Variants in DNAJC13 observed in about 807,000 individuals in gnomAD.
The protein encoded by DNAJC13 is DnaJ heat shock protein family (Hsp40) member C13, also known as dnaJ homolog subfamily C member 13.
In DNAJC13, 75 loss-of-function variants were observed where a neutral mutation model predicts 290.5. That is an observed-to-expected ratio of 0.26 (90% CI 0.21 to 0.31). DNAJC13 has a LOEUF of 0.31. DNAJC13 is among the 10% of genes least tolerant of loss of function. The probability of loss-of-function intolerance (pLI) is 1.00; values close to 1 mark genes in which losing one functional copy is unlikely to be tolerated. For synonymous variants in DNAJC13, 862 were observed against 892.0 expected, an observed-to-expected ratio of 0.97 and a Z score of 0.60; for missense variants, 2,260 against 2,674.5, an observed-to-expected ratio of 0.85 and a Z score of 3.42.
At chr3:132,468,202 G>A (rs1262219761) in intron 20 of DNAJC13, among the ~76,000 whole-genome samples, 1 of 152,178 alleles carries the variant, frequency 6.6e-6, no homozygotes. Context: ...GTTTGGCAGT[G>A]GTTGAGTATG....
chr3:132,531,953 C>T (rs1454014690), intron 55 of DNAJC13, among the ~76,000 whole-genome samples: 1 of 152,178 alleles, frequency 6.6e-6, no homozygotes, highest in Admixed American at 6.5e-5. Flanking sequence ...ATGTTTAAAA[C>T]TCAGAACATT....
chr3:132,426,656 T>G (rs1939099470), intron 1 of DNAJC13, among the ~76,000 whole-genome samples: 1 of 152,216 alleles, frequency 6.6e-6, no homozygotes, highest in African/African-American at 2.4e-5. Flanking sequence ...TTACAGATTT[T>G]TTTCATCATA....
At chr3:132,472,313 C>T (rs1220086059) in intron 20 of DNAJC13, among the ~76,000 whole-genome samples, 1 of 152,342 alleles carries the variant, frequency 6.6e-6, no homozygotes, top group African/African-American at 2.4e-5. Flanking sequence ...GAAATCTTCT[C>T]TTCCAGTTGC....
chr3:132,496,585 A>G lies in DNAJC13; in HGVS notation c.4078A>G (p.Ile1360Val). The change falls in exon 36 of 56, where the codon ATA (isoleucine) becomes GTA (valine). Residue 1360 changes from isoleucine to valine, a missense_variant. By Grantham distance (29) the Ile-to-Val change is conservative. Around this residue, in one of 3 missense-constraint regions of DNAJC13, gnomAD observed 1,494 missense variants for 1,693.7 expected, o/e 0.88. Transcript: ENST00000260818. ...ATTTTTATGTACCAAATCAGCAAAA[A>G]TAGTGGATGGGCCAGATCCAGAGAA... ...YEFLCTKSAKIVDGPDPENII... is the reference protein window; with the variant it reads ...YEFLCTKSAKVVDGPDPENII... The G allele has an allele frequency of 6.2e-7, 1 of 1,611,696 alleles. No homozygotes were observed. Among genetic ancestry groups the G allele is most frequent in the Non-Finnish European group, 8.5e-7 (1 of 1,178,636 alleles).
Position 132,526,287 on chromosome 3 carries a change from T to C in DNAJC13, c.6381+6T>C, listed in dbSNP as rs775106008. On this transcript the variant is annotated splice_donor_region_variant and intron_variant, in intron 53 of 55. Coordinates refer to ENST00000260818, the MANE Select transcript of DNAJC13 (RefSeq NM_015268.4). ...AGAGTGAATTAGTAGCACAAGTAAG[T>C]GACTTTCTAGATTTAGCACTATTTT... is the stretch of plus-strand genomic sequence containing the variant. 1 of 1,613,796 alleles carries C rather than the reference T, an allele frequency of 6.2e-7. No individual in the cohort carries two copies. The highest frequency in any genetic ancestry group is 8.5e-7 in the Non-Finnish European group (1 of 1,179,786).
In DNAJC13 at chr3:132,472,991, T is replaced by G. The variant is rs186456080; in HGVS notation, c.2209-154T>G. 6.8e-4 allele frequency among the ~76,000 whole-genome samples: 104 copies of G among 152,358 alleles called. 1 individual carries two copies. The highest frequency in any genetic ancestry group is 5.7e-3 in the Admixed American group (87 of 15,310). On this transcript the variant is annotated intron_variant, in intron 20 of 55. Coordinates refer to ENST00000260818, the MANE Select transcript of DNAJC13 (RefSeq NM_015268.4). ...ATAATTTAATATCCTGTATTTATAT[T>G]CATGTTTTATAGATTTTATTTATTC... is the stretch of plus-strand genomic sequence containing the variant.
chr3:132,532,958 C>G (rs1576527584), intron 55 of DNAJC13, among the ~76,000 whole-genome samples: 1 of 119,956 alleles, frequency 8.3e-6, no homozygotes, highest in East Asian at 3.8e-4. Context: ...GGAATTTTGC[C>G]ATGTTAGCTA....
intron 36 of DNAJC13, among the ~76,000 whole-genome samples, chr3:132,498,608 C>T (rs1379152628): frequency 6.6e-6 from 1 of 151,976 alleles, no homozygotes. Context: ...AGGAAGGATC[C>T]AAGGGATTTT....
intron 22 of DNAJC13, among the ~76,000 whole-genome samples, chr3:132,476,958 G>C (rs1376126972): frequency 2.0e-5 from 3 of 152,106 alleles, no homozygotes; most frequent in Non-Finnish European, 4.4e-5. Flanking sequence ...AGTACTTACT[G>C]TCACCCAACT....
chr3:132,505,820 A>G (rs750620941), intron 42 of DNAJC13, among the ~76,000 whole-genome samples: 2 of 152,160 alleles, frequency 1.3e-5, no homozygotes, highest in Non-Finnish European at 2.9e-5. Flanking sequence ...AGGATGGGCA[A>G]TAAGGAGAAG....
chr3:132,435,432 A>C (rs1212032486), intron 2 of DNAJC13, among the ~76,000 whole-genome samples: 3 of 152,184 alleles, frequency 2.0e-5, no homozygotes, highest in Non-Finnish European at 4.4e-5. Context: ...TTCTTCTCTC[A>C]ACTTTTCATT....
intron 42 of DNAJC13, 119 bp downstream of exon 42, chr3:132,505,534 C>A (rs1935556680): frequency 1.5e-6 from 1 of 657,644 alleles, no homozygotes; most frequent in South Asian, 2.0e-5. Context: ...GTCAGTATGG[C>A]TTTCTGCCAC....
At chr3:132,435,856 C>T (rs1939371256) in intron 2 of DNAJC13, among the ~76,000 whole-genome samples, 1 of 152,124 alleles carries the variant, frequency 6.6e-6, no homozygotes, top group Non-Finnish European at 1.5e-5. Context: ...AAACTTACTG[C>T]AATGCTTTTC....
chr3:132,455,928 CTG>C (rs1369663860), intron 9 of DNAJC13, among the ~76,000 whole-genome samples: 3 of 152,104 alleles, frequency 2.0e-5, no homozygotes, highest in African/African-American at 7.2e-5. Context: ...AATTATCAAA[CTG>C]TACGTTTTAA....
chr3:132,453,975 AC>A, intron 8 of DNAJC13, 90 bp from the exon 9 acceptor site: 1 of 1,013,184 alleles, frequency 9.9e-7, no homozygotes, highest in East Asian at 2.6e-5. Context: ...TAAAATACTG[AC>A]TTTTGTAAGC....
chr3:132,530,179 C>G (rs1228256401), intron 54 of DNAJC13, among the ~76,000 whole-genome samples: 2 of 152,148 alleles, frequency 1.3e-5, no homozygotes, highest in Non-Finnish European at 2.9e-5. Flanking sequence ...ACATGGTCCC[C>G]TTGTATAACC....
chr3:132,449,469 T>C (rs1933356453), intron 5 of DNAJC13, among the ~76,000 whole-genome samples: 1 of 152,164 alleles, frequency 6.6e-6, no homozygotes, highest in Non-Finnish European at 1.5e-5. Flanking sequence ...AGGTGTGGCA[T>C]TGACTGATCT....
chr3:132,475,957 A>G (rs1451793128), intron 22 of DNAJC13, among the ~76,000 whole-genome samples: 3 of 152,046 alleles, frequency 2.0e-5, no homozygotes, highest in African/African-American at 7.3e-5. Context: ...TTTCTGAGAC[A>G]CGACCTTGCT....
intron 5 of DNAJC13, among the ~76,000 whole-genome samples, chr3:132,448,304 T>G (rs1359656638): frequency 6.6e-6 from 1 of 152,160 alleles, no homozygotes; most frequent in African/African-American, 2.4e-5. Context: ...TGTAGGAGTT[T>G]CTTATTTCAG....
Sources: gnomAD v4.1 joint callset for allele counts (sites outside exome capture counted in the v4.1 genomes callset) on GRCh38, gnomAD v4.1.1 for gene constraint, gnomAD v4.1.1 regional missense constraint, MANE v1.5 for transcripts, NCBI Gene and HGNC (gene_info 2026-07-23, HGNC 2026-07-21) for gene names.